The following CACNA1I variants were observed in gnomAD, a reference collection of about 807,000 sequenced individuals.
CACNA1I encodes the protein voltage-dependent T-type calcium channel subunit alpha-1I.
Under a neutral mutation model 201.6 loss-of-function variants are expected in CACNA1I, and 74 were observed. The ratio of observed to expected loss-of-function variants is 0.37; its 90% CI spans 0.30 to 0.45. CACNA1I has a LOEUF of 0.45. Among genes scored for constraint, CACNA1I ranks in the 20% least tolerant of loss-of-function variants. The probability of loss-of-function intolerance (pLI) is 1.00; values close to 1 mark genes in which losing one functional copy is unlikely to be tolerated. For synonymous variants in CACNA1I, 1,431 were observed against 1,345.2 expected (o/e 1.06, Z -1.40); for missense variants, 2,346 against 3,138.1 (o/e 0.75, Z 6.03).
At chr22:39,635,678 T>G (rs368543146) in intron 5 of CACNA1I, among the ~76,000 whole-genome samples, 1 of 151,272 alleles carries the variant, frequency 6.6e-6, no homozygotes, top group Non-Finnish European at 1.5e-5. Flanking sequence ...CTTGTGCCCA[T>G]CCCCAGAAGA....
In CACNA1I at chr22:39,647,814, CTTTT is replaced by C. The variant is rs1386111054; in HGVS notation, c.1463-7_1463-4del. 1 of 1,572,530 alleles carries C rather than the reference CTTTT, an allele frequency of 6.4e-7. No homozygotes were observed. Among genetic ancestry groups the C allele is most frequent in the Non-Finnish European group, 8.8e-7 (1 of 1,142,382 alleles). On this transcript the variant is annotated splice_polypyrimidine_tract_variant and splice_region_variant and intron_variant, in intron 8 of 36. Coordinates refer to ENST00000402142, the MANE Select transcript of CACNA1I (RefSeq NM_021096.4). Reference sequence around the variant, plus strand: ...GGAGAAGATAGTAATATTATCTCCACTTTTCAGATGGGAAGACTAAGGGTCAGGG... The same window carrying C: ...GGAGAAGATAGTAATATTATCTCCACCAGATGGGAAGACTAAGGGTCAGGG...
chr22:39,656,482 G>A (rs972966086), intron 10 of CACNA1I: 26 of 515,706 alleles, frequency 5.0e-5, no homozygotes, highest in East Asian at 3.3e-4. Context: ...CCTGGCGTCA[G>A]CACACACTGG....
In CACNA1I at chr22:39,649,426, A is replaced by T. The variant is rs1934583707; in HGVS notation, c.1568-75A>T. The stretch of plus-strand genomic sequence containing the variant: ...ACCTGTGGGCCTGGGAGCCAAGCGC[A>T]CTCAGGGATGTGTCCCAGGGTGGAT... On this transcript the variant is annotated intron_variant, in intron 9 of 36. Transcript: ENST00000402142. The surrounding 1 kb of genome is among the most constrained non-coding windows in gnomAD (Gnocchi z 7.3). The T allele has an allele frequency of 7.2e-7, 1 of 1,388,864 alleles. No homozygotes were observed. The allele number at this position is 1,388,864 out of a possible 1,614,324, so 86.0% of individuals were successfully genotyped here.
At chr22:39,583,134 C>CTCCATCCATCCG (rs147743742) in intron 1 of CACNA1I, among the ~76,000 whole-genome samples, 1 of 136,230 alleles carries the variant, frequency 7.3e-6, no homozygotes, top group Non-Finnish European at 1.6e-5. Flanking sequence ...GCATCCATCT[C>CTCCATCCATCCG]TCCATCCATC....
At chr22:39,681,748 C>G (rs1935713873) in intron 34 of CACNA1I, among the ~76,000 whole-genome samples, 1 of 151,988 alleles carries the variant, frequency 6.6e-6, no homozygotes, top group South Asian at 2.1e-4. Context: ...TAAGGGACAG[C>G]TGGGGGATAC....
chr22:39,649,402 C>A lies in CACNA1I; in HGVS notation c.1568-99C>A, dbSNP rs143973537. ...GCTGGGTCGGCTGGTTCCAGGCAGA[C>A]CTGTGGGCCTGGGAGCCAAGCGCAC... On this transcript the variant is annotated intron_variant, in intron 9 of 36. Coordinates refer to ENST00000402142, the MANE Select transcript of CACNA1I (RefSeq NM_021096.4). This position sits in a 1 kb window ranked among gnomAD's most constrained non-coding sequence, Gnocchi z 7.3. 547 of 1,271,678 alleles carry A rather than the reference C, an allele frequency of 4.3e-4. 2 individuals are homozygous for A. The African/African-American group carries it at 7.2e-3, about 17-fold the overall frequency. 78.8% of individuals were successfully genotyped at this position (1,271,678 alleles called of 1,614,324 possible). A position where few individuals can be genotyped will look rare whatever the true frequency, so the allele number is the denominator to read the frequency against.
rs1044518489 is a variant in CACNA1I at position 39,686,171 on chromosome 22, C to T, written c.6438C>T (p.Gly2146=). 2.7e-5 allele frequency: 35 copies of T among 1,288,738 alleles called. 1 individual carries two copies. The Admixed American group carries it at 1.1e-3, about 40-fold the overall frequency. 79.8% of individuals were successfully genotyped at this position (1,288,738 alleles called of 1,614,324 possible). The change falls in exon 37 of 37, where the codon GGC becomes GGT. Residue 2146 remains glycine, a synonymous_variant. Coordinates refer to ENST00000402142, the MANE Select transcript of CACNA1I (RefSeq NM_021096.4). ...CGCCGCCCCCGCCGCCAGCCCCCGG[C>T]CTCACGCCCGCCAGGAAGTTCAGCA... is the stretch of plus-strand genomic sequence containing the variant. ...FCPPPPPPAP[G]LTPARKFSST... is the part of the protein sequence containing the mutation.
At position 39,677,891 on chromosome 22, in the gene CACNA1I, G is replaced by A; in HGVS notation, c.4934-96G>A. On this transcript the variant is annotated intron_variant, in intron 30 of 36. Transcript: ENST00000402142. The surrounding 1 kb of genome is among the most constrained non-coding windows in gnomAD (Gnocchi z 4.8). ...AGTCTGCAGGCCCCTCCTAGGGTGTGATGAGGGTTCTGAGGCGAGGCGGGA... is the reference window on the plus strand; with the variant it reads ...AGTCTGCAGGCCCCTCCTAGGGTGTAATGAGGGTTCTGAGGCGAGGCGGGA... The A allele has an allele frequency of 7.2e-7, 1 of 1,381,606 alleles. No homozygotes were observed. Among genetic ancestry groups the A allele is most frequent in the South Asian group, 1.4e-5 (1 of 71,692 alleles). 85.6% of individuals were successfully genotyped at this position (1,381,606 alleles called of 1,614,324 possible).
Position 39,681,838 on chromosome 22 carries a change from T to C in CACNA1I, c.5665-658T>C, listed in dbSNP as rs73888116. Among the ~76,000 whole-genome samples the C allele has an allele frequency of 3.7e-3, 567 of 152,248 alleles. 4 individuals are homozygous for C. The highest frequency in any genetic ancestry group is 0.013 in the African/African-American group (549 of 41,554). On this transcript the variant is annotated intron_variant, in intron 34 of 36. Coordinates refer to ENST00000402142, the MANE Select transcript of CACNA1I (RefSeq NM_021096.4). The stretch of plus-strand genomic sequence containing the variant: ...CTGTGGGGCCAGTTCCTCCTGTCCC[T>C]TCCATGTCATTTTGGTCCCCTCCCT...
intron 2 of CACNA1I, 128 bp downstream of exon 2, chr22:39,598,390 C>A: frequency 1.6e-6 from 1 of 628,058 alleles, no homozygotes; most frequent in Admixed American, 2.4e-5. Flanking sequence ...CCGCCCCGCT[C>A]CGTGCCCTTC....
Position 39,659,241 on chromosome 22 carries a change from C to T in CACNA1I, c.2330+125C>T, listed in dbSNP as rs549352372. 71 of 1,224,306 alleles carry T rather than the reference C, an allele frequency of 5.8e-5. No homozygotes were observed. In the South Asian group the frequency reaches 9.5e-4, roughly 16 times the overall value. 75.8% of individuals were successfully genotyped at this position (1,224,306 alleles called of 1,614,324 possible). ...CTGGACCTGGGTGTGAAGCCTGACA[C>T]TGTTCCTCAGTCCCCTGTGGCTTTC... On this transcript the variant is annotated intron_variant, in intron 12 of 36. Coordinates refer to ENST00000402142, the MANE Select transcript of CACNA1I (RefSeq NM_021096.4). This position sits in a 1 kb window ranked among gnomAD's most constrained non-coding sequence, Gnocchi z 4.3.
At chr22:39,657,939 C>T (rs1160397433) in intron 10 of CACNA1I, among the ~76,000 whole-genome samples, 1 of 152,226 alleles carries the variant, frequency 6.6e-6, no homozygotes, top group Non-Finnish European at 1.5e-5. Context: ...TGGGGTCCCC[C>T]AACCCTCACC....
chr22:39,598,686 C>T (rs1039015014), intron 2 of CACNA1I, among the ~76,000 whole-genome samples: 1 of 152,132 alleles, frequency 6.6e-6, no homozygotes, highest in Non-Finnish European at 1.5e-5. Flanking sequence ...GTCCCCCGTG[C>T]TCTTGGACTA....
At chr22:39,597,599 G>T (rs962072205) in intron 1 of CACNA1I, among the ~76,000 whole-genome samples, 1 of 152,240 alleles carries the variant, frequency 6.6e-6, no homozygotes, top group Non-Finnish European at 1.5e-5. Flanking sequence ...CTTGGTGCGG[G>T]TGTTTTGGAG....
At position 39,664,774 on chromosome 22, in the gene CACNA1I, G is replaced by A. The variant is rs754643520; in HGVS notation, c.3702G>A (p.Ala1234=). Residue 1234 remains alanine, a synonymous_variant, in exon 21 of 37, where the codon GCG becomes GCA. Transcript: ENST00000402142. ...VSLGLYFGEQ[A]YLRSSWNVLD... is the part of the protein sequence containing the mutation. The stretch of plus-strand genomic sequence containing the variant: ...TGGGCCTGTACTTCGGCGAGCAGGC[G>A]TACCTACGCAGCAGCTGGAACGTGC... The A allele has an allele frequency of 3.9e-5, 62 of 1,606,106 alleles. No individual in the cohort carries two copies. Among genetic ancestry groups the A allele is most frequent in the Non-Finnish European group, 5.2e-5 (61 of 1,176,186 alleles).
intron 4 of CACNA1I, among the ~76,000 whole-genome samples, chr22:39,621,271 C>T (rs1343218947): frequency 6.6e-6 from 1 of 152,226 alleles, no homozygotes; most frequent in Non-Finnish European, 1.5e-5. Flanking sequence ...CTCTTCCCTG[C>T]CTGAGCTTCT....
intron 10 of CACNA1I, among the ~76,000 whole-genome samples, chr22:39,657,787 C>T (rs901349857): frequency 1.3e-5 from 2 of 152,230 alleles, no homozygotes; most frequent in African/African-American, 4.8e-5. Context: ...GTCCTGCTTT[C>T]CTGTCTTGCT....
In CACNA1I at chr22:39,646,855, C is replaced by G; in HGVS notation, c.1436C>G (p.Pro479Arg). Reference protein sequence around the residue: ...PEAPAPAKPGPHAKEPRHYHG... With the variant: ...PEAPAPAKPGRHAKEPRHYHG... ...GCCCCGGCCCCCGCCAAACCTGGGC[C>G]CCACGCCAAGGAGCCCCGGCACTAC... is the stretch of plus-strand genomic sequence containing the variant. The change falls in exon 8 of 37, where the codon CCC (proline) becomes CGC (arginine). Residue 479 changes from proline to arginine, a missense_variant. Pro to Arg is a moderately radical substitution (Grantham distance 103). Transcript: ENST00000402142. 1 of 1,516,198 alleles carries G rather than the reference C, an allele frequency of 6.6e-7. No homozygotes were observed. 93.9% of individuals were successfully genotyped at this position (1,516,198 alleles called of 1,614,324 possible). A position where few individuals can be genotyped will look rare whatever the true frequency, so the allele number is the denominator to read the frequency against.
At position 39,673,028 on chromosome 22, in the gene CACNA1I, C is replaced by T. The variant is rs1935416723; in HGVS notation, c.4729C>T (p.Leu1577=). ...GGAGGAGATCGAGATCAATGCGGCC[C>T]TGCCCATCAATCCCACCATCATCCG... The part of the protein sequence containing the change: ...TLEEIEINAA[L]PINPTIIRIM... The change falls in exon 28 of 37, where the codon CTG becomes TTG. Residue 1577 remains leucine (L), a synonymous_variant. Transcript: ENST00000402142. 6.2e-7 allele frequency: 1 copy of T among 1,613,850 alleles called. No homozygotes were observed.
Sources: gnomAD v4.1 joint callset for allele counts (sites outside exome capture counted in the v4.1 genomes callset) on GRCh38, gnomAD v4.1.1 for gene constraint, Gnocchi (gnomAD v3.1) non-coding constraint, MANE v1.5 for transcripts, NCBI Gene and HGNC (gene_info 2026-07-23, HGNC 2026-07-21) for gene names.